The following UBR4 variants were observed in gnomAD, a reference collection of about 807,000 sequenced individuals.
UBR4 encodes the protein E3 ubiquitin-protein ligase UBR4.
A neutral mutation model predicts 575.6 loss-of-function variants in UBR4; 124 were observed. The observed-to-expected ratio is 0.22, with a 90% CI of 0.19 to 0.25. UBR4 has a LOEUF of 0.25. UBR4 is among the 10% of genes least tolerant of loss of function. The probability of loss-of-function intolerance (pLI) is 1.00; values close to 1 mark genes in which losing one functional copy is unlikely to be tolerated. For missense variants in UBR4, 4,818 were observed against 6,478.8 expected (o/e 0.74, Z 8.80); for synonymous variants, 2,455 against 2,473.7 (o/e 0.99, Z 0.22).
intron 21 of UBR4, 59 bp from the exon 22 acceptor site, chr1:19,174,506 C>T: frequency 1.3e-6 from 2 of 1,575,634 alleles, no homozygotes; most frequent in Non-Finnish European, 8.6e-7. Context: ...TTTCCTACTG[C>T]CTATACACTA....
rs1342036096 is a variant in UBR4 at position 19,164,958 on chromosome 1, C to T, written c.4352G>A (p.Gly1451Asp). The change falls in exon 32 of 106, where the codon GGC (glycine) becomes GAC (aspartate). Residue 1451 changes from glycine (G) to aspartate (D), a missense_variant. Physicochemically the swap from Gly to Asp is moderately conservative, Grantham distance 94 (BLOSUM62 -1). This residue lies in a region of UBR4 where 1,172 missense variants were observed against 1,259.7 expected (regional missense o/e 0.93). Coordinates refer to ENST00000375254, the MANE Select transcript of UBR4 (RefSeq NM_020765.3). ...CACACAGGCCAGTTGTGCCAGGGAG[C>T]CACAGAGATGCAACAGGCTCGGGTT... The part of the protein sequence containing the change: ...SPNPSLLHLC[G>D]SLAQLACVEP... 4.3e-6 allele frequency: 7 copies of T among 1,613,978 alleles called. No homozygotes were observed. Among genetic ancestry groups the T allele is most frequent in the African/African-American group, 1.3e-5 (1 of 74,898 alleles).
intron 52 of UBR4, 165 bp from the exon 53 acceptor site, chr1:19,146,098 A>T: frequency 1.9e-6 from 3 of 1,551,382 alleles, no homozygotes; most frequent in Non-Finnish European, 2.6e-6. Flanking sequence ...CATCTAGGAA[A>T]AAAACAGTCT....
Position 19,110,747 on chromosome 1 carries a change from C to T in UBR4, c.11887G>A (p.Asp3963Asn), listed in dbSNP as rs549822997. 9 of 1,614,082 alleles carry T rather than the reference C, an allele frequency of 5.6e-6. No homozygotes were observed. The highest frequency in any genetic ancestry group is 3.3e-5 in the South Asian group (3 of 91,068). The change falls in exon 79 of 106, where the codon GAT becomes AAT. Residue 3963 changes from aspartate to asparagine, a missense_variant. By Grantham distance (23) the Asp-to-Asn change is conservative. This residue lies in a region of UBR4 where 333 missense variants were observed against 459.2 expected (regional missense o/e 0.73). Coordinates refer to ENST00000375254, the MANE Select transcript of UBR4 (RefSeq NM_020765.3). The surrounding 1 kb of genome is among the most constrained non-coding windows in gnomAD (Gnocchi z 4.5). ...GGCCTGCTAGGCCGGCTCACCAGAT[C>T]GGGGTTGGCCCAGTGGCCCTTCAGG... The part of the protein sequence containing the change: ...TALKGHWANP[D>N]LASSLQYEML...
chr1:19,173,806 C>T lies in UBR4; in HGVS notation c.2983-185G>A, dbSNP rs1485956234. On this transcript the variant is annotated intron_variant, in intron 22 of 105. Transcript: ENST00000375254. ...AGAGAGTGCACCTAGCAGAAAATGG[C>T]AGAACACACATACAAATAATTTGTT... Among the ~76,000 whole-genome samples the T allele has an allele frequency of 3.4e-4, 51 of 152,188 alleles. 1 individual carries two copies. The highest frequency in any genetic ancestry group is 8.8e-5 in the Non-Finnish European group (6 of 68,036).
At position 19,164,809 on chromosome 1, in the gene UBR4, G is replaced by C; in HGVS notation, c.4501C>G (p.Arg1501Gly). The C allele has an allele frequency of 1.2e-6, 2 of 1,613,866 alleles. No individual in the cohort carries two copies. Among genetic ancestry groups the C allele is most frequent in the Non-Finnish European group, 1.7e-6 (2 of 1,179,790 alleles). ...ATGTAGTTGTTCTACCTGTTTTCCC[G>C]AACAATGTATGTGGTCAGTAACTGC... is the stretch of plus-strand genomic sequence containing the variant. ...LLQLLTTYIV[R>G]ENSQVGEGVC... Residue 1501 changes from arginine (R) to glycine (G), a missense_variant, in exon 32 of 106, where the codon CGG becomes GGG. By Grantham distance (125) the Arg-to-Gly change is moderately radical. This residue lies in a region of UBR4 where 1,172 missense variants were observed against 1,259.7 expected (regional missense o/e 0.93). Transcript: ENST00000375254.
chr1:19,085,453 C>T (rs1399999447), intron 101 of UBR4, among the ~76,000 whole-genome samples: 3 of 152,180 alleles, frequency 2.0e-5, no homozygotes, highest in Non-Finnish European at 2.9e-5. Flanking sequence ...ACCTGGGAGG[C>T]GGAGGCTGCA....
chr1:19,173,662 G>T (rs1483465157), intron 22 of UBR4, 41 bp from the exon 23 acceptor site: 2 of 1,591,662 alleles, frequency 1.3e-6, no homozygotes, highest in Non-Finnish European at 1.7e-6. Flanking sequence ...CACTTGGTAT[G>T]GCCTCAAGAT....
chr1:19,185,535 C>T (rs938316237), intron 14 of UBR4, among the ~76,000 whole-genome samples: 1 of 150,924 alleles, frequency 6.6e-6, no homozygotes. Context: ...CACATTATTG[C>T]ATGTAAATTA....
At chr1:19,134,706 TC>T (rs1468139032) in intron 60 of UBR4, among the ~76,000 whole-genome samples, 1 of 152,000 alleles carries the variant, frequency 6.6e-6, no homozygotes, top group African/African-American at 2.4e-5. Flanking sequence ...TTTTTTTTTT[TC>T]TTTAGACCTC....
chr1:19,120,544 G>GT (rs759544737), intron 68 of UBR4, among the ~76,000 whole-genome samples, 196 bp from the exon 69 acceptor site: 2 of 152,238 alleles, frequency 1.3e-5, no homozygotes, highest in Non-Finnish European at 2.9e-5. Context: ...AGACATATGT[G>GT]TAACGTTGGT....
rs956578572 is a variant in UBR4, at chr1:19,106,555, A to G, written c.12393+14T>C. ...GGGGCGCAGGGGGTGAAGAGTCCAG[A>G]AGTGGCCACTCACTTGTCGCAGCCA... On this transcript the variant is annotated intron_variant, in intron 83 of 105. Transcript: ENST00000375254. 4 of 1,550,722 alleles carry G rather than the reference A, an allele frequency of 2.6e-6. No homozygotes were observed. The African/African-American group carries it at 5.5e-5, about 21-fold the overall frequency.
At chr1:19,119,471 T>C (rs1000288071) in intron 70 of UBR4, 86 bp downstream of exon 70, 66 of 1,539,826 alleles carry the variant, frequency 4.3e-5, no homozygotes, top group Non-Finnish European at 5.7e-5. Context: ...ACTCCCTATA[T>C]CTGGGTTGTT....
chr1:19,146,223 G>A (rs1165965829), intron 52 of UBR4: 10 of 756,246 alleles, frequency 1.3e-5, no homozygotes, highest in East Asian at 4.2e-5. Flanking sequence ...CTTCTAAAAC[G>A]TAGAGGAACA....
Position 19,076,828 on chromosome 1 carries a change from G to A in UBR4, c.15399C>T (p.Pro5133=), listed in dbSNP as rs770643846. The A allele has an allele frequency of 3.3e-5, 54 of 1,613,304 alleles. No individual in the cohort carries two copies. The highest frequency in any genetic ancestry group is 2.4e-5 in the Non-Finnish European group (28 of 1,179,750). ...LAEYIRHNDM[P]IYEAADKALK... ...GGGCTTTGTCGGCAGCTTCGTAGATGGGCATGTCGTTGTGGCGGATGTACT... is the reference window on the plus strand; with the variant it reads ...GGGCTTTGTCGGCAGCTTCGTAGATAGGCATGTCGTTGTGGCGGATGTACT... Residue 5133 remains proline, a synonymous_variant, in exon 105 of 106, where the codon CCC becomes CCT. Transcript: ENST00000375254.
chr1:19,098,563 C>G (rs2078290355), intron 90 of UBR4, among the ~76,000 whole-genome samples: 1 of 152,246 alleles, frequency 6.6e-6, no homozygotes, highest in African/African-American at 2.4e-5. Context: ...CTGTATTGTT[C>G]TGTTTTGATG....
At position 19,084,549 on chromosome 1, in the gene UBR4, T is replaced by A; in HGVS notation, c.14963A>T (p.His4988Leu). The stretch of plus-strand genomic sequence containing the variant: ...AGTGTGAATGATGTACGGGATCAGG[T>A]GGATGTTGCTCTCCCGGCCGCCCCC... ...TGGGGRESNI[H>L]LIPYIIHTVL... is the part of the protein sequence containing the mutation. The change falls in exon 102 of 106, where the codon CAC (histidine) becomes CTC (leucine). Residue 4988 changes from histidine (H) to leucine (L), a missense_variant. By Grantham distance (99) the His-to-Leu change is moderately conservative (BLOSUM62 -3). Transcript: ENST00000375254. The A allele has an allele frequency of 6.2e-7, 1 of 1,613,726 alleles. No homozygotes were observed. The highest frequency in any genetic ancestry group is 8.5e-7 in the Non-Finnish European group (1 of 1,179,892).
Position 19,100,635 on chromosome 1 carries a change from T to A in UBR4, c.13024-62A>T. The A allele has an allele frequency of 6.6e-7, 1 of 1,520,008 alleles. No individual in the cohort carries two copies. Among genetic ancestry groups the A allele is most frequent in the Non-Finnish European group, 9.1e-7 (1 of 1,098,162 alleles). 94.2% of individuals were successfully genotyped at this position (1,520,008 alleles called of 1,614,324 possible). On this transcript the variant is annotated intron_variant, in intron 88 of 105. Coordinates refer to ENST00000375254, the MANE Select transcript of UBR4 (RefSeq NM_020765.3). This position sits in a 1 kb window ranked among gnomAD's most constrained non-coding sequence, Gnocchi z 4.2. The stretch of plus-strand genomic sequence containing the variant: ...GCAGAGGTGGAGATTTATACCATGC[T>A]ACCTTGTTCCATGGACACTCGAGGA...
In UBR4 at chr1:19,210,255, T is replaced by A; in HGVS notation, c.-7A>T. The A allele has an allele frequency of 1.4e-6, 2 of 1,448,884 alleles. No homozygotes were observed. Among genetic ancestry groups the A allele is most frequent in the Non-Finnish European group, 1.8e-6 (2 of 1,106,812 alleles). The allele number at this position is 1,448,884 out of a possible 1,614,324, so 89.8% of individuals were successfully genotyped here. On this transcript the variant is annotated 5_prime_UTR_variant, in exon 1 of 106. Coordinates refer to ENST00000375254, the MANE Select transcript of UBR4 (RefSeq NM_020765.3). ...CGCCGCCGCTCGTCGCCATCTTCCG[T>A]CGTACTACTGCGGCTCCCTCCGGGG...
chr1:19,137,299 A>AT (rs1190137069), intron 60 of UBR4, among the ~76,000 whole-genome samples: 1 of 136,600 alleles, frequency 7.3e-6, no homozygotes, highest in East Asian at 2.3e-4. Flanking sequence ...GACAGTCTCG[A>AT]AAAAAAAAAA....
Sources: allele counts gnomAD v4.1 joint callset (sites outside exome capture counted in the v4.1 genomes callset), GRCh38; gene constraint gnomAD v4.1.1; regional missense constraint gnomAD v4.1.1; non-coding constraint Gnocchi (gnomAD v3.1); transcripts MANE v1.5; gene names NCBI Gene and HGNC (gene_info 2026-07-23, HGNC 2026-07-21).